DLGAP2: variants seen among roughly 807,000 people sequenced by gnomAD.
DLGAP2 encodes disks large-associated protein 2.
Under a neutral mutation model 100.3 loss-of-function variants are expected in DLGAP2, and 26 were observed. The ratio of observed to expected loss-of-function variants is 0.26; its 90% CI spans 0.19 to 0.36. DLGAP2 has a LOEUF of 0.36. Ranked by LOEUF, DLGAP2 falls within the 10% of genes least tolerant of loss-of-function variation. The probability of loss-of-function intolerance (pLI) is 1.00; values close to 1 mark genes in which losing one functional copy is unlikely to be tolerated. For missense variants in DLGAP2, 1,858 were observed against 1,453.2 expected (o/e 1.28, Z -4.53); for synonymous variants, 886 against 630.1 (o/e 1.41, Z -6.08).
chr8:890,834 C>A (rs543514377), intron 1 of DLGAP2, among the ~76,000 whole-genome samples: 1 of 152,124 alleles, frequency 6.6e-6, no homozygotes, highest in African/African-American at 2.4e-5. Flanking sequence ...GGGCGTTTCC[C>A]GACCCCCCTA....
chr8:773,859 A>G (rs1821437033), intron 1 of DLGAP2, among the ~76,000 whole-genome samples: 2 of 152,126 alleles, frequency 1.3e-5, no homozygotes, highest in Admixed American at 6.5e-5. Flanking sequence ...TTGGGTATAT[A>G]CCCAGTAATG....
At chr8:1,460,028 C>A (rs1798429689) in intron 3 of DLGAP2, among the ~76,000 whole-genome samples, 1 of 152,146 alleles carries the variant, frequency 6.6e-6, no homozygotes, top group South Asian at 2.1e-4. Flanking sequence ...TTTTCACGTT[C>A]TGGAATTGAC....
At chr8:1,078,433 A>T (rs913378363) in intron 2 of DLGAP2, among the ~76,000 whole-genome samples, 1 of 152,166 alleles carries the variant, frequency 6.6e-6, no homozygotes, top group Non-Finnish European at 1.5e-5. Context: ...CCCACAGCTT[A>T]TATCACATCC....
rs1418974843 is a variant in DLGAP2 at position 921,333 on chromosome 8, A to G, written c.73+13367A>G. Among the ~76,000 whole-genome samples the G allele has an allele frequency of 7.9e-5, 12 of 151,750 alleles. No homozygotes were observed. The South Asian group carries it at 1.0e-3, about 13-fold the overall frequency. ...CAGTGTTGAGTGTGGATGCGTGTCT[A>G]TGGCCATTTCTGTGTCCACGTGTCC... On this transcript the variant is annotated intron_variant, in intron 2 of 14. Coordinates refer to ENST00000637795, the MANE Select transcript of DLGAP2 (RefSeq NM_001346810.2).
intron 6 of DLGAP2, among the ~76,000 whole-genome samples, chr8:1,583,581 T>C (rs1280266856): frequency 3.3e-5 from 5 of 152,196 alleles, no homozygotes; most frequent in African/African-American, 1.2e-4. Context: ...AGAATCCATC[T>C]AGAAAGATGA....
intron 1 of DLGAP2, among the ~76,000 whole-genome samples, chr8:813,699 A>T (rs1291259996): frequency 6.6e-6 from 1 of 152,170 alleles, no homozygotes; most frequent in Admixed American, 6.5e-5. Flanking sequence ...TCTCTAGCAC[A>T]AAAGTGGGGG....
intron 2 of DLGAP2, among the ~76,000 whole-genome samples, chr8:1,194,218 C>T (rs978070358): frequency 2.6e-5 from 4 of 152,064 alleles, no homozygotes; most frequent in East Asian, 3.9e-4. Flanking sequence ...GTTCTCAGCC[C>T]GACTCAGGAG....
intron 12 of DLGAP2, among the ~76,000 whole-genome samples, chr8:1,687,521 A>T (rs542332049): frequency 6.6e-6 from 1 of 152,296 alleles, no homozygotes; most frequent in African/African-American, 2.4e-5. Flanking sequence ...GATCATTCTC[A>T]CTCACTGAAC....
chr8:1,024,171 TCC>T, intron 2 of DLGAP2, among the ~76,000 whole-genome samples: 1 of 101,904 alleles, frequency 9.8e-6, no homozygotes, highest in Non-Finnish European at 2.4e-5. Context: ...CCACCCACCC[TCC>T]CTGGGGGTGG....
chr8:1,160,578 T>C (rs1237480976), intron 2 of DLGAP2, among the ~76,000 whole-genome samples: 1 of 152,194 alleles, frequency 6.6e-6, no homozygotes, highest in Non-Finnish European at 1.5e-5. Flanking sequence ...TTTTGCCAGT[T>C]TGGGGAGTAG....
At chr8:1,277,016 C>G (rs544497991) in intron 3 of DLGAP2, among the ~76,000 whole-genome samples, 1 of 152,130 alleles carries the variant, frequency 6.6e-6, no homozygotes, top group African/African-American at 2.4e-5. Flanking sequence ...CTGTGATTTA[C>G]TGAATTGGTC....
chr8:1,418,162 G>A (rs547753934), intron 3 of DLGAP2, among the ~76,000 whole-genome samples: 5 of 152,128 alleles, frequency 3.3e-5, no homozygotes, highest in South Asian at 4.2e-4. Context: ...TTCTCCTTCC[G>A]AACCATTTTC....
chr8:1,556,626 T>C (rs1385577575), intron 5 of DLGAP2, among the ~76,000 whole-genome samples: 1 of 152,180 alleles, frequency 6.6e-6, no homozygotes, highest in East Asian at 1.9e-4. Context: ...CTAGGAGCTG[T>C]TGGAGCTCAG....
intron 2 of DLGAP2, among the ~76,000 whole-genome samples, chr8:1,074,581 C>T (rs1271522791): frequency 1.3e-5 from 2 of 152,166 alleles, no homozygotes; most frequent in Non-Finnish European, 2.9e-5. Context: ...CCTCTTTTTG[C>T]TTCTTACCAA....
intron 3 of DLGAP2, among the ~76,000 whole-genome samples, chr8:1,286,003 T>C (rs1799913872): frequency 6.6e-6 from 1 of 152,210 alleles, no homozygotes; most frequent in African/African-American, 2.4e-5. Flanking sequence ...CTTCCATTTT[T>C]CTTTTATAAT....
intron 3 of DLGAP2, among the ~76,000 whole-genome samples, chr8:1,478,133 C>G (rs558177905): frequency 6.6e-5 from 10 of 152,272 alleles, no homozygotes; most frequent in Admixed American, 5.2e-4. Context: ...AATGAAATGC[C>G]CTCTGTTTTT....
intron 1 of DLGAP2, among the ~76,000 whole-genome samples, chr8:877,178 A>G (rs560247673): frequency 6.6e-5 from 10 of 152,004 alleles, no homozygotes; most frequent in African/African-American, 1.9e-4. Context: ...TTTTCATTGT[A>G]TGGATCATAC....
At chr8:819,220 A>C (rs1459138027) in intron 1 of DLGAP2, among the ~76,000 whole-genome samples, 1 of 152,252 alleles carries the variant, frequency 6.6e-6, no homozygotes, top group Non-Finnish European at 1.5e-5. Context: ...TGTTATTTTA[A>C]TAATAGTATC....
At chr8:1,618,853 C>T (rs2472078) in intron 6 of DLGAP2, among the ~76,000 whole-genome samples, 10 of 152,132 alleles carry the variant, frequency 6.6e-5, no homozygotes, top group Non-Finnish European at 1.0e-4. Flanking sequence ...TTCATGGCAT[C>T]TCTGGCACCT....
Sources: gnomAD v4.1 joint callset for allele counts (sites outside exome capture counted in the v4.1 genomes callset) on GRCh38, gnomAD v4.1.1 for gene constraint, MANE v1.5 for transcripts, NCBI Gene and HGNC (gene_info 2026-07-23, HGNC 2026-07-21) for gene names.